AIG1: variants seen among roughly 807,000 people sequenced by gnomAD.
AIG1 encodes androgen induced 1.
Under a neutral mutation model 31.4 loss-of-function variants are expected in AIG1, and 23 were observed. The ratio of observed to expected loss-of-function variants is 0.73; its 90% confidence interval spans 0.53 to 1.04. The LOEUF (loss-of-function observed/expected upper bound fraction) is 1.04. AIG1 is among the 50% of genes least tolerant of loss of function. The pLI is 0.00. For missense variants in AIG1, 274 were observed against 295.0 expected (o/e 0.93, Z 0.52); for synonymous variants, 100 against 110.5 (o/e 0.90, Z 0.60).
At chr6:143,218,900 CT>C in intron 3 of AIG1, among the ~76,000 whole-genome samples, 1 of 152,232 alleles carries the variant, frequency 6.6e-6, no homozygotes, top group South Asian at 2.1e-4. Flanking sequence ...TTTTATAATC[CT>C]TTCAGAAATT....
chr6:143,313,519 G>A (rs1208826604), intron 4 of AIG1, among the ~76,000 whole-genome samples: 2 of 152,076 alleles, frequency 1.3e-5, no homozygotes, highest in South Asian at 2.1e-4. Context: ...TTGAACTTAT[G>A]GAGATAGGTA....
At chr6:143,237,025 A>G (rs894935313) in intron 3 of AIG1, among the ~76,000 whole-genome samples, 1 of 152,196 alleles carries the variant, frequency 6.6e-6, no homozygotes, top group African/African-American at 2.4e-5. Context: ...CAGACAAGTT[A>G]AATAACTTAC....
chr6:143,271,153 G>A (rs1796499530), intron 3 of AIG1, among the ~76,000 whole-genome samples: 1 of 152,214 alleles, frequency 6.6e-6, no homozygotes, highest in South Asian at 2.1e-4. Context: ...TGCAGAGATG[G>A]CAGTAATCCA....
chr6:143,317,156 C>G (rs1775822840), intron 4 of AIG1, among the ~76,000 whole-genome samples: 1 of 152,046 alleles, frequency 6.6e-6, no homozygotes, highest in African/African-American at 2.4e-5. Context: ...CTAAGTCATT[C>G]TATGAAGCCA....
rs1049011905 is a variant in AIG1 at position 143,280,124 on chromosome 6, T to C, written c.400-3986T>C. ...TGAAAATACTGTAAGTTGTAAATGG[T>C]ATTTGTGTTTGGGGAAACAGCAACA... On this transcript the variant is annotated intron_variant, in intron 3 of 5. Coordinates refer to ENST00000357847, the MANE Select transcript of AIG1 (RefSeq NM_016108.4). The surrounding 1 kb of genome is among the most constrained non-coding windows in gnomAD (Gnocchi z 4.1). Among the ~76,000 whole-genome samples the C allele has an allele frequency of 6.6e-6, 1 of 152,244 alleles. No individual in the cohort carries two copies. Among genetic ancestry groups the C allele is most frequent in the East Asian group, 1.9e-4 (1 of 5,208 alleles).
chr6:143,267,820 C>T (rs1417588985), intron 3 of AIG1, among the ~76,000 whole-genome samples: 1 of 152,156 alleles, frequency 6.6e-6, no homozygotes, highest in Non-Finnish European at 1.5e-5. Context: ...GATAGAAATG[C>T]CACTCATCAC....
chr6:143,161,272 A>C lies in AIG1; in HGVS notation c.298-3810A>C, dbSNP rs143531162. Among the ~76,000 whole-genome samples the C allele has an allele frequency of 2.2e-3, 337 of 152,316 alleles. 1 individual carries two copies. Among genetic ancestry groups the C allele is most frequent in the African/African-American group, 7.8e-3 (325 of 41,590 alleles). On this transcript the variant is annotated intron_variant, in intron 2 of 5. Transcript: ENST00000357847. ...TGCCCACCAGAAAAATTGCAAGTCC[A>C]GATGGCTTTACTAGGGAAGTATATC...
At chr6:143,335,070 G>A (rs780863970) in intron 5 of AIG1, 40 of 1,442,314 alleles carry the variant, frequency 2.8e-5, no homozygotes, top group Non-Finnish European at 3.2e-5. Context: ...TTAAGTTTAT[G>A]TACCTAGGAC....
intron 4 of AIG1, among the ~76,000 whole-genome samples, chr6:143,307,054 G>A (rs887363587): frequency 5.9e-5 from 9 of 152,184 alleles, no homozygotes; most frequent in African/African-American, 2.2e-4. Context: ...AGCTCCATCA[G>A]CTCCTTTAAG....
chr6:143,323,706 AC>A (rs1187052107), intron 4 of AIG1, among the ~76,000 whole-genome samples: 6 of 151,814 alleles, frequency 4.0e-5, no homozygotes, highest in Non-Finnish European at 8.8e-5. Context: ...ATCTTGGCAG[AC>A]CCCCACACAC....
chr6:143,263,929 G>T (rs1476332035), intron 3 of AIG1, among the ~76,000 whole-genome samples: 2 of 152,140 alleles, frequency 1.3e-5, no homozygotes, highest in Non-Finnish European at 2.9e-5. Context: ...TTTTATTTAG[G>T]CTGGTTATTA....
Position 143,144,355 on chromosome 6 carries a change from G to A in AIG1, c.297+7365G>A, listed in dbSNP as rs115847852. Among the ~76,000 whole-genome samples the A allele has an allele frequency of 4.2e-3, 633 of 152,314 alleles. 6 individuals carry two copies. The highest frequency in any genetic ancestry group is 0.014 in the African/African-American group (595 of 41,562). ...GATAGTGTTGGCTGAGAATCGATCT[G>A]TCCTTCAAAGGTTTCACAGCCTAGG... is the stretch of plus-strand genomic sequence containing the variant. On this transcript the variant is annotated intron_variant, in intron 2 of 5. Transcript: ENST00000357847.
intron 3 of AIG1, among the ~76,000 whole-genome samples, chr6:143,211,755 T>G (rs1583519494): frequency 6.6e-6 from 1 of 152,022 alleles, no homozygotes; most frequent in African/African-American, 2.4e-5. Context: ...TAGCTGGATG[T>G]GGTGGCACAC....
At chr6:143,127,358 T>TTC (rs900936595) in intron 1 of AIG1, among the ~76,000 whole-genome samples, 5 of 152,210 alleles carry the variant, frequency 3.3e-5, no homozygotes, top group African/African-American at 1.2e-4. Context: ...TTCTTGTTTC[T>TTC]TCTGTCTGCT....
intron 1 of AIG1, among the ~76,000 whole-genome samples, chr6:143,082,781 G>A (rs1217762038): frequency 6.6e-6 from 1 of 152,112 alleles, no homozygotes; most frequent in Non-Finnish European, 1.5e-5. Flanking sequence ...TCGGACCTGT[G>A]TAAGGACTCT....
chr6:143,229,926 G>T (rs557670779), intron 3 of AIG1, among the ~76,000 whole-genome samples: 1 of 151,948 alleles, frequency 6.6e-6, no homozygotes, highest in Non-Finnish European at 1.5e-5. Context: ...CATCAGATTC[G>T]ATGGGACATT....
rs73576608 is a variant in AIG1 at position 143,289,636 on chromosome 6, C to G, written c.515+5411C>G. On this transcript the variant is annotated intron_variant, in intron 4 of 5. Coordinates refer to ENST00000357847, the MANE Select transcript of AIG1 (RefSeq NM_016108.4). ...ATCTCCCACAAAATTTGATTATCTC[C>G]TAACTGGGCAATTTTGGATGATTTT... 8.4e-3 allele frequency among the ~76,000 whole-genome samples: 1,285 copies of G among 152,236 alleles called. 14 individuals are homozygous for G. The highest frequency in any genetic ancestry group is 0.029 in the African/African-American group (1,204 of 41,502).
downstream of AIG1, among the ~76,000 whole-genome samples, chr6:143,342,012 G>A (rs1416702737): frequency 6.6e-6 from 1 of 152,126 alleles, no homozygotes; most frequent in Non-Finnish European, 1.5e-5. Flanking sequence ...TGCAATCTCC[G>A]CCTCCCTGGT....
At chr6:143,075,085 T>C (rs1387059245) in intron 1 of AIG1, among the ~76,000 whole-genome samples, 1 of 152,242 alleles carries the variant, frequency 6.6e-6, no homozygotes, top group Non-Finnish European at 1.5e-5. Flanking sequence ...GTCAATTTCA[T>C]CTTTCAGCAT....
Sources: gnomAD v4.1 joint callset for allele counts (sites outside exome capture counted in the v4.1 genomes callset) on GRCh38, gnomAD v4.1.1 for gene constraint, Gnocchi (gnomAD v3.1) non-coding constraint, MANE v1.5 for transcripts, NCBI Gene and HGNC (gene_info 2026-07-23, HGNC 2026-07-21) for gene names.